The following GRK5 variants were observed in gnomAD, a reference collection of about 807,000 sequenced individuals.
GRK5 encodes the protein G protein-coupled receptor kinase 5, also known as g protein-coupled receptor kinase GRK5.
In GRK5, 40 loss-of-function variants were observed where a neutral mutation model predicts 78.4. The observed-to-expected ratio is 0.51, with a 90% CI of 0.40 to 0.66. The LOEUF (loss-of-function observed/expected upper bound fraction) is 0.66, where lower values mean the gene tolerates loss of function less well. GRK5 is among the 30% of genes least tolerant of loss of function. The pLI is 0.00. For synonymous variants in GRK5, 289 were observed against 296.8 expected (o/e 0.97, Z 0.27); for missense variants, 598 against 759.9 (o/e 0.79, Z 2.50).
At chr10:119,262,884 A>G (rs1282345534) in intron 1 of GRK5, among the ~76,000 whole-genome samples, 2 of 152,360 alleles carry the variant, frequency 1.3e-5, no homozygotes, top group Admixed American at 6.5e-5. Flanking sequence ...TTGATTACAC[A>G]TGCATCTAAA....
intron 1 of GRK5, among the ~76,000 whole-genome samples, chr10:119,277,555 A>G (rs889931684): frequency 6.6e-6 from 1 of 152,218 alleles, no homozygotes; most frequent in Admixed American, 6.5e-5. Context: ...GTACTCTTTC[A>G]AAACCACTTT....
intron 6 of GRK5, among the ~76,000 whole-genome samples, 181 bp downstream of exon 6, chr10:119,425,266 C>CGT: frequency 8.8e-6 from 1 of 114,184 alleles, no homozygotes; most frequent in Non-Finnish European, 1.9e-5. Flanking sequence ...AGCACACACA[C>CGT]ATACACACAC....
At chr10:119,326,335 C>T (rs1489063149) in intron 1 of GRK5, among the ~76,000 whole-genome samples, 181 bp from the exon 2 acceptor site, 1 of 152,222 alleles carries the variant, frequency 6.6e-6, no homozygotes. Context: ...CTGGGGCTCA[C>T]AGCCCACCTG....
At chr10:119,337,877 C>T (rs180888565) in intron 2 of GRK5, among the ~76,000 whole-genome samples, 6 of 152,138 alleles carry the variant, frequency 3.9e-5, no homozygotes, top group African/African-American at 1.4e-4. Context: ...CTGCCTTGGC[C>T]TCCCATAGTA....
Position 119,282,923 on chromosome 10 carries a change from C to T in GRK5, c.53-43593C>T, listed in dbSNP as rs576332698. Among the ~76,000 whole-genome samples the T allele has an allele frequency of 3.3e-5, 5 of 152,286 alleles. No individual in the cohort carries two copies. The East Asian group carries it at 9.6e-4, about 29-fold the overall frequency. Reference sequence around the variant, plus strand: ...CGCCCAGTTGATGCTGTGGAGTTCTCCAGGCTGCTGGCCCATCCAGTCCCT... The same window carrying T: ...CGCCCAGTTGATGCTGTGGAGTTCTTCAGGCTGCTGGCCCATCCAGTCCCT... On this transcript the variant is annotated intron_variant, in intron 1 of 15. Coordinates refer to ENST00000392870, the MANE Select transcript of GRK5 (RefSeq NM_005308.3).
At chr10:119,269,568 C>T (rs1411869786) in intron 1 of GRK5, among the ~76,000 whole-genome samples, 1 of 151,948 alleles carries the variant, frequency 6.6e-6, no homozygotes, top group Non-Finnish European at 1.5e-5. Context: ...CAGTGGTTCA[C>T]GCCTGTAATC....
Position 119,449,153 on chromosome 10 carries a change from G to A in GRK5, c.1404+893G>A, listed in dbSNP as rs147723459. Among the ~76,000 whole-genome samples, 611 of 151,818 alleles carry A rather than the reference G, an allele frequency of 4.0e-3. 3 individuals are homozygous for A. The highest frequency in any genetic ancestry group is 0.014 in the African/African-American group (582 of 41,412). ...CATGTGCACCTCTCTTCCCAATTCC[G>A]TGTCCAATGGCTTTGCGTCGGTAGC... On this transcript the variant is annotated intron_variant, in intron 13 of 15. Coordinates refer to ENST00000392870, the MANE Select transcript of GRK5 (RefSeq NM_005308.3).
chr10:119,415,455 A>T (rs1178160205), intron 4 of GRK5, among the ~76,000 whole-genome samples: 4 of 152,106 alleles, frequency 2.6e-5, no homozygotes, highest in African/African-American at 9.7e-5. Flanking sequence ...TCCTATAGGC[A>T]TTGGGGGCCG....
chr10:119,279,842 A>C (rs1849732371), intron 1 of GRK5, among the ~76,000 whole-genome samples: 1 of 152,218 alleles, frequency 6.6e-6, no homozygotes, highest in Non-Finnish European at 1.5e-5. Flanking sequence ...GCTTTGGGAA[A>C]GTGTGAAGTC....
chr10:119,374,142 G>C (rs923993387), intron 2 of GRK5, among the ~76,000 whole-genome samples: 1 of 152,188 alleles, frequency 6.6e-6, no homozygotes. Flanking sequence ...CTAAGTCCCT[G>C]TAATCATCTG....
intron 4 of GRK5, among the ~76,000 whole-genome samples, chr10:119,397,714 C>T (rs1170194417): frequency 6.6e-6 from 1 of 152,250 alleles, no homozygotes; most frequent in Non-Finnish European, 1.5e-5. Context: ...CCCTCAACCT[C>T]CTGCACCTCT....
chr10:119,227,383 A>C (rs1178537239), intron 1 of GRK5, among the ~76,000 whole-genome samples: 2 of 152,160 alleles, frequency 1.3e-5, no homozygotes, highest in Non-Finnish European at 2.9e-5. Context: ...CCTGGGCAAT[A>C]TGGCGAAACT....
intron 2 of GRK5, among the ~76,000 whole-genome samples, chr10:119,339,748 G>A (rs569040307): frequency 9.9e-5 from 15 of 152,004 alleles, no homozygotes; most frequent in Non-Finnish European, 2.1e-4. Flanking sequence ...CAAAAAATTA[G>A]TCAGGCTTGG....
At position 119,375,323 on chromosome 10, in the gene GRK5, T is replaced by G. The variant is rs1423111484; in HGVS notation, c.149-5492T>G. Among the ~76,000 whole-genome samples, 5 of 152,312 alleles carry G rather than the reference T, an allele frequency of 3.3e-5. No homozygotes were observed. The East Asian group carries it at 9.6e-4, about 29-fold the overall frequency. ...TCCCAGCCTCAAGCCCCATTCTCTC[T>G]GGCTTTGACCTTTTTCCCTCTTCTT... On this transcript the variant is annotated intron_variant, in intron 2 of 15. Transcript: ENST00000392870.
chr10:119,236,060 A>C (rs1848919552), intron 1 of GRK5, among the ~76,000 whole-genome samples: 1 of 152,034 alleles, frequency 6.6e-6, no homozygotes, highest in South Asian at 2.1e-4. Flanking sequence ...TCTTGTGCAG[A>C]TATTAACGGT....
At chr10:119,368,282 G>A (rs1363562301) in intron 2 of GRK5, among the ~76,000 whole-genome samples, 3 of 152,224 alleles carry the variant, frequency 2.0e-5, no homozygotes, top group Non-Finnish European at 1.5e-5. Flanking sequence ...GCTCCTTGGC[G>A]CCCCTCAGAG....
intron 1 of GRK5, among the ~76,000 whole-genome samples, chr10:119,261,995 A>G (rs1849415285): frequency 6.6e-6 from 1 of 152,210 alleles, no homozygotes; most frequent in South Asian, 2.1e-4. Context: ...CAATGAAGTC[A>G]AAATTGACCT....
At chr10:119,286,881 T>C (rs1849856358) in intron 1 of GRK5, among the ~76,000 whole-genome samples, 1 of 152,202 alleles carries the variant, frequency 6.6e-6, no homozygotes, top group African/African-American at 2.4e-5. Flanking sequence ...GTAAAACTCT[T>C]TTTCTTGTCC....
rs1471242145 is a variant in GRK5 at position 119,455,846 on chromosome 10, T to A, written c.*779T>A. On this transcript the variant is annotated 3_prime_UTR_variant, in exon 16 of 16. Coordinates refer to ENST00000392870, the MANE Select transcript of GRK5 (RefSeq NM_005308.3). ...GCCGAGCCACTGTCGCACCCACCTCTGTCTGCTCTTCCTTCAGGAAGGCGG... is the reference window on the plus strand; with the variant it reads ...GCCGAGCCACTGTCGCACCCACCTCAGTCTGCTCTTCCTTCAGGAAGGCGG... 3 of 155,052 alleles carry A rather than the reference T, an allele frequency of 1.9e-5. No individual in the cohort carries two copies. Among genetic ancestry groups the A allele is most frequent in the African/African-American group, 7.2e-5 (3 of 41,480 alleles). The allele number at this position is 155,052 out of a possible 1,614,324, so 9.6% of individuals were successfully genotyped here.
Sources: gnomAD v4.1 joint callset for allele counts (sites outside exome capture counted in the v4.1 genomes callset) on GRCh38, gnomAD v4.1.1 for gene constraint, MANE v1.5 for transcripts, NCBI Gene and HGNC (gene_info 2026-07-23, HGNC 2026-07-21) for gene names.